The following SLC30A7 variants were observed in gnomAD, a reference collection of about 807,000 sequenced individuals.
SLC30A7 encodes the protein solute carrier family 30 member 7, also known as zinc transporter 7.
In SLC30A7, 35 loss-of-function variants were observed where a neutral mutation model predicts 46.0. The ratio of observed to expected loss-of-function variants is 0.76; its 90% CI spans 0.58 to 1.01. The LOEUF (loss-of-function observed/expected upper bound fraction) is 1.01. Among genes scored for constraint, SLC30A7 ranks in the 50% least tolerant of loss-of-function variants. SLC30A7 has a pLI of 0.00. For missense variants in SLC30A7, 464 were observed against 451.1 expected, an observed-to-expected ratio of 1.03 and a Z score of -0.26; for synonymous variants, 147 against 157.8, an observed-to-expected ratio of 0.93 and a Z score of 0.51.
intron 10 of SLC30A7, among the ~76,000 whole-genome samples, chr1:100,970,760 T>A (rs1656116222): frequency 6.6e-6 from 1 of 151,840 alleles, no homozygotes; most frequent in South Asian, 2.1e-4. Context: ...ATAGTATTTG[T>A]TAATTTTTTT....
At position 100,913,774 on chromosome 1, in the gene SLC30A7, A is replaced by T; in HGVS notation, c.623A>T (p.His208Leu). The T allele has an allele frequency of 6.2e-7, 1 of 1,613,912 alleles. No individual in the cohort carries two copies. Among genetic ancestry groups the T allele is most frequent in the Non-Finnish European group, 8.5e-7 (1 of 1,179,796 alleles). The part of the protein sequence containing the change: ...VKHGAAHSHD[H>L]AHGHGHFHSH... Reference sequence around the variant, plus strand: ...CATGGTGCTGCACATAGCCATGATCATGCTCATGGACATGGACACTTTCAT... The same window carrying T: ...CATGGTGCTGCACATAGCCATGATCTTGCTCATGGACATGGACACTTTCAT... The change falls in exon 6 of 11, where the codon CAT (histidine) becomes CTT (leucine). Residue 208 changes from histidine to leucine, a missense_variant. Coordinates refer to ENST00000357650, the MANE Select transcript of SLC30A7 (RefSeq NM_133496.5).
At chr1:100,989,217 T>C in the SLC30A7 span, among the ~76,000 whole-genome samples, 2 of 152,242 alleles carry the variant, frequency 1.3e-5, no homozygotes, top group South Asian at 4.1e-4. Flanking sequence ...TTAAGTTATA[T>C]GGCATATCTT....
At chr1:100,925,894 A>C (rs139193601) in intron 8 of SLC30A7, among the ~76,000 whole-genome samples, 1 of 152,254 alleles carries the variant, frequency 6.6e-6, no homozygotes, top group Non-Finnish European at 1.5e-5. Flanking sequence ...AAAGTCATGG[A>C]GTGGTTGGTA....
intron 8 of SLC30A7, among the ~76,000 whole-genome samples, chr1:100,933,312 G>A (rs1391042683): frequency 6.6e-6 from 1 of 151,948 alleles, no homozygotes; most frequent in Non-Finnish European, 1.5e-5. Flanking sequence ...GTTATTTATG[G>A]AAGATACTCT....
At chr1:100,932,055 G>C (rs944971050) in intron 8 of SLC30A7, among the ~76,000 whole-genome samples, 1 of 152,114 alleles carries the variant, frequency 6.6e-6, no homozygotes, top group African/African-American at 2.4e-5. Context: ...AAAATGAAGG[G>C]AGAAATTTAA....
chr1:100,900,098 G>T (rs1190642313), intron 2 of SLC30A7, among the ~76,000 whole-genome samples: 1 of 152,142 alleles, frequency 6.6e-6, no homozygotes, highest in Admixed American at 6.5e-5. Context: ...CAAGTGAGCA[G>T]CAGAGCCTAC....
chr1:100,931,437 A>C (rs1340389480), intron 8 of SLC30A7, among the ~76,000 whole-genome samples: 1 of 152,214 alleles, frequency 6.6e-6, no homozygotes, highest in Admixed American at 6.5e-5. Context: ...TGCTAGTATT[A>C]GAGATAAGGT....
intron 6 of SLC30A7, among the ~76,000 whole-genome samples, 183 bp from the exon 7 acceptor site, chr1:100,917,894 C>T (rs928790665): frequency 6.6e-6 from 1 of 152,120 alleles, no homozygotes; most frequent in Non-Finnish European, 1.5e-5. Context: ...AATTTTAAAA[C>T]TACTGCCACT....
chr1:100,957,181 C>T (rs985635759), intron 8 of SLC30A7, among the ~76,000 whole-genome samples: 2 of 152,186 alleles, frequency 1.3e-5, no homozygotes, highest in African/African-American at 4.8e-5. Context: ...TACTTTGGTG[C>T]TCTAGGTCAC....
intron 8 of SLC30A7, among the ~76,000 whole-genome samples, chr1:100,942,443 C>G (rs749573703): frequency 9.2e-5 from 14 of 152,132 alleles, no homozygotes; most frequent in Non-Finnish European, 1.3e-4. Context: ...GGAAAAAACA[C>G]TCAAAGTGCT....
intron 10 of SLC30A7, chr1:100,972,729 A>G (rs2101101420): frequency 6.6e-6 from 1 of 152,260 alleles, no homozygotes; most frequent in African/African-American, 2.4e-5. Flanking sequence ...TTCAGGTGTC[A>G]TCTGGATAAT....
chr1:100,937,394 C>T (rs1161038993), intron 8 of SLC30A7, among the ~76,000 whole-genome samples: 1 of 151,554 alleles, frequency 6.6e-6, no homozygotes, highest in Non-Finnish European at 1.5e-5. Context: ...TTTTCACCTA[C>T]AATGCAGAAG....
chr1:100,975,797 A>G lies in SLC30A7; in HGVS notation c.*940A>G, dbSNP rs1402349907. ...CACCTCAGCCTCCCAAAGTGCTGGGATTACAGGTGTGAGCCACCACGCCCG... is the reference window on the plus strand; with the variant it reads ...CACCTCAGCCTCCCAAAGTGCTGGGGTTACAGGTGTGAGCCACCACGCCCG... On this transcript the variant is annotated 3_prime_UTR_variant, in exon 11 of 11. Transcript: ENST00000357650. The G allele has an allele frequency of 7.1e-6, 1 of 141,822 alleles. No homozygotes were observed. The highest frequency in any genetic ancestry group is 1.5e-5 in the Non-Finnish European group (1 of 66,264). The allele number at this position is 141,822 out of a possible 1,614,324, so 8.8% of individuals were successfully genotyped here.
chr1:100,929,342 T>C (rs1653526716), intron 8 of SLC30A7, among the ~76,000 whole-genome samples: 1 of 152,058 alleles, frequency 6.6e-6, no homozygotes, highest in Non-Finnish European at 1.5e-5. Flanking sequence ...TAGTTCAGCA[T>C]TTTTTTCATT....
chr1:100,960,634 A>G (rs1318547447), intron 8 of SLC30A7, among the ~76,000 whole-genome samples: 2 of 152,118 alleles, frequency 1.3e-5, no homozygotes, highest in African/African-American at 4.8e-5. Flanking sequence ...ACCTACAGCT[A>G]TTATCTGAAG....
rs541750538 is a variant in SLC30A7 at position 100,970,005 on chromosome 1, A to T, written c.1083+4087A>T. Among the ~76,000 whole-genome samples, 753 of 152,218 alleles carry T rather than the reference A, an allele frequency of 4.9e-3. 5 individuals are homozygous for T. Among genetic ancestry groups the T allele is most frequent in the African/African-American group, 0.016 (684 of 41,552 alleles). On this transcript the variant is annotated intron_variant, in intron 10 of 10. Coordinates refer to ENST00000357650, the MANE Select transcript of SLC30A7 (RefSeq NM_133496.5). ...ATTTTATGAAATGAAATTTAAATTT[A>T]AAAAAAATTTTGATCTTAAATTACA...
intron 8 of SLC30A7, among the ~76,000 whole-genome samples, chr1:100,929,343 T>A (rs2101042893): frequency 6.6e-6 from 1 of 152,188 alleles, no homozygotes; most frequent in South Asian, 2.1e-4. Context: ...AGTTCAGCAT[T>A]TTTTTCATTT....
At chr1:100,912,645 G>A (rs763059466) in intron 5 of SLC30A7, among the ~76,000 whole-genome samples, 1 of 151,604 alleles carries the variant, frequency 6.6e-6, no homozygotes, top group East Asian at 1.9e-4. Flanking sequence ...GCGATATGGC[G>A]AAACCCCATC....
downstream of SLC30A7, among the ~76,000 whole-genome samples, chr1:100,986,067 A>G (rs1012145052): frequency 6.6e-6 from 1 of 152,218 alleles, no homozygotes; most frequent in Admixed American, 6.5e-5. Flanking sequence ...ACATGAAAAG[A>G]TGATCCACAT....
Sources: allele counts gnomAD v4.1 joint callset (sites outside exome capture counted in the v4.1 genomes callset), GRCh38; gene constraint gnomAD v4.1.1; transcripts MANE v1.5; gene names NCBI Gene and HGNC (gene_info 2026-07-23, HGNC 2026-07-21).